ESR2: variants seen among roughly 807,000 people sequenced by gnomAD.
The protein encoded by ESR2 is estrogen receptor 2.
A neutral mutation model predicts 49.6 loss-of-function variants in ESR2; 36 were observed. The observed-to-expected ratio is 0.73, with a 90% CI of 0.56 to 0.96. The LOEUF is 0.96. Ranked by LOEUF, ESR2 falls within the 40% of genes least tolerant of loss-of-function variation. The pLI, the probability that ESR2 is intolerant of heterozygous loss-of-function variation, is 0.00. For missense variants in ESR2, 714 were observed against 693.0 expected (o/e 1.03, Z -0.34); for synonymous variants, 320 against 266.1 (o/e 1.20, Z -1.97).
chr14:64,277,743 T>A (rs1483135723), intron 3 of ESR2, among the ~76,000 whole-genome samples: 1 of 152,022 alleles, frequency 6.6e-6, no homozygotes, highest in Non-Finnish European at 1.5e-5. Flanking sequence ...TGTAATGCAC[T>A]TATATCAAAG....
chr14:64,333,050 G>A (rs185204258), intron 1 of ESR2, among the ~76,000 whole-genome samples: 1 of 151,380 alleles, frequency 6.6e-6, no homozygotes, highest in African/African-American at 2.4e-5. Context: ...CTAATTTTTT[G>A]TATTTTTTAG....
intron 1 of ESR2, among the ~76,000 whole-genome samples, chr14:64,320,730 T>TA (rs1040919736): frequency 6.6e-5 from 10 of 151,444 alleles, no homozygotes; most frequent in Non-Finnish European, 1.3e-4. Context: ...CTGTCTCTAC[T>TA]AAAAAAAGTA....
At position 64,234,752 on chromosome 14, in the gene ESR2, G is replaced by GA; in HGVS notation, c.1406+217_1406+218insT. The GA allele has an allele frequency of 4.7e-6, 5 of 1,052,654 alleles. No individual in the cohort carries two copies. In the East Asian group the frequency reaches 1.1e-4, roughly 22 times the overall value. 65.2% of individuals were successfully genotyped at this position (1,052,654 alleles called of 1,614,324 possible). A position where few individuals can be genotyped will look rare whatever the true frequency, so the allele number is the denominator to read the frequency against. On this transcript the variant is annotated intron_variant, in intron 8 of 8. Coordinates refer to ENST00000341099, the MANE Select transcript of ESR2 (RefSeq NM_001437.3). ...ATTGAAAAACCCATGAGCCACCACT[G>GA]GCTGCCATGCAGAGCCTGTAAGATA... is the stretch of plus-strand genomic sequence containing the variant.
At chr14:64,303,381 G>C (rs2077050471) in intron 1 of ESR2, 1 of 102,554 alleles carries the variant, frequency 9.8e-6, no homozygotes, top group African/African-American at 5.8e-5. Flanking sequence ...GCAATCTAGG[G>C]CTTTTTTTTT....
rs2098725728 is a variant in ESR2, at chr14:64,230,015, C to T, written c.*3122G>A. 6.6e-6 allele frequency among the ~76,000 whole-genome samples: 1 copy of T among 151,536 alleles called. No individual in the cohort carries two copies. Among genetic ancestry groups the T allele is most frequent in the Non-Finnish European group, 1.5e-5 (1 of 67,884 alleles). ...GGAGCATAGTAAAACCCCATCTCTA[C>T]AAATATTAAAAGAATTAGCCAGGAG... On this transcript the variant is annotated 3_prime_UTR_variant, in exon 9 of 9. Coordinates refer to ENST00000341099, the MANE Select transcript of ESR2 (RefSeq NM_001437.3).
intron 1 of ESR2, among the ~76,000 whole-genome samples, chr14:64,307,691 C>A (rs890738442): frequency 6.6e-6 from 1 of 152,034 alleles, no homozygotes; most frequent in African/African-American, 2.4e-5. Flanking sequence ...CCCACCACCA[C>A]GCCCGGCTAA....
Position 64,260,741 on chromosome 14 carries a change from C to T in ESR2, c.660G>A (p.Arg220=), listed in dbSNP as rs774894727. The T allele has an allele frequency of 6.7e-7, 1 of 1,482,086 alleles. No individual in the cohort carries two copies. Among genetic ancestry groups the T allele is most frequent in the Non-Finnish European group, 9.0e-7 (1 of 1,114,888 alleles). 91.8% of individuals were successfully genotyped at this position (1,482,086 alleles called of 1,614,324 possible). A position where few individuals can be genotyped will look rare whatever the true frequency, so the allele number is the denominator to read the frequency against. The change falls in exon 5 of 9, where the codon CGG becomes CGA. Residue 220 remains arginine, a synonymous_variant. Transcript: ENST00000341099. The part of the protein sequence containing the change: ...YEVGMVKCGS[R]RERCGYRLVR... ...CAAGGCGGTACCCACATCTCTCTCT[C>T]CGGGAGCCTGAAGAGGAAAGCAGAG...
intron 1 of ESR2, among the ~76,000 whole-genome samples, chr14:64,334,180 G>T (rs1439479583): frequency 6.6e-6 from 1 of 152,200 alleles, no homozygotes; most frequent in East Asian, 1.9e-4. Flanking sequence ...GCTTTATGAT[G>T]TGTCCTAAAG....
At position 64,229,895 on chromosome 14, in the gene ESR2, G is replaced by A. The variant is rs976214009; in HGVS notation, c.*3242C>T. On this transcript the variant is annotated 3_prime_UTR_variant, in exon 9 of 9. Transcript: ENST00000341099. ...TCAGCAACTTAAAAAAAAATGTGGC[G>A]GGGCTGGGCACAGTGGCTCATGCCT... Among the ~76,000 whole-genome samples the A allele has an allele frequency of 6.6e-6, 1 of 152,142 alleles. No homozygotes were observed.
intron 2 of ESR2, among the ~76,000 whole-genome samples, chr14:64,280,425 G>T (rs1464872675): frequency 3.3e-5 from 5 of 152,144 alleles, no homozygotes; most frequent in Non-Finnish European, 5.9e-5. Context: ...TGTCACTGCC[G>T]AAGACCAGTC....
intron 7 of ESR2, among the ~76,000 whole-genome samples, chr14:64,241,379 T>C (rs2075726467): frequency 6.6e-6 from 1 of 152,220 alleles, no homozygotes; most frequent in Admixed American, 6.5e-5. Context: ...ATCTTCTAAA[T>C]CAGGTAGTGT....
chr14:64,294,431 T>G (rs1012562006), upstream of ESR2: 1 of 152,290 alleles, frequency 6.6e-6, no homozygotes, highest in Non-Finnish European at 1.5e-5. Context: ...AGGGGAGTAG[T>G]GCCTGAGCCC....
chr14:64,305,106 C>T (rs1300421591), intron 1 of ESR2, among the ~76,000 whole-genome samples: 6 of 150,868 alleles, frequency 4.0e-5, no homozygotes, highest in African/African-American at 1.2e-4. Context: ...CTGGCTAACA[C>T]GGTGAAACCC....
At position 64,257,451 on chromosome 14, in the gene ESR2, C is replaced by A. The variant is rs2076126806; in HGVS notation, c.953-87G>T. ...AGAGACAGAATGGCAAGTGTTAAAA[C>A]ACTAAGAAAACACAAACCATTAGGG... On this transcript the variant is annotated intron_variant, in intron 5 of 8. Transcript: ENST00000341099. 12 of 1,512,528 alleles carry A rather than the reference C, an allele frequency of 7.9e-6. 1 individual carries two copies. The East Asian group carries it at 2.5e-4, about 32-fold the overall frequency. 93.7% of individuals were successfully genotyped at this position (1,512,528 alleles called of 1,614,324 possible). A position where few individuals can be genotyped will look rare whatever the true frequency, so the allele number is the denominator to read the frequency against.
At chr14:64,322,666 A>T (rs922005332) in intron 1 of ESR2, among the ~76,000 whole-genome samples, 2 of 152,180 alleles carry the variant, frequency 1.3e-5, no homozygotes, top group Admixed American at 6.5e-5. Flanking sequence ...AGCTGGATGT[A>T]AAGGAGAATG....
Position 64,250,476 on chromosome 14 carries a change from C to G in ESR2, c.1092-797G>C, listed in dbSNP as rs150165953. ...TGGAAAATACCAGCTTCTATTCACT[C>G]CAGCCAGACACACATTATTCCACCT... On this transcript the variant is annotated intron_variant, in intron 6 of 8. Transcript: ENST00000341099. Among the ~76,000 whole-genome samples the G allele has an allele frequency of 1.6e-3, 248 of 152,310 alleles. 1 individual carries two copies. The highest frequency in any genetic ancestry group is 5.9e-3 in the African/African-American group (246 of 41,558).
At chr14:64,278,645 T>C (rs763794797) in intron 3 of ESR2, among the ~76,000 whole-genome samples, 49 of 152,128 alleles carry the variant, frequency 3.2e-4, no homozygotes, top group Non-Finnish European at 6.3e-4. Flanking sequence ...GGACAGGTTA[T>C]GGGGCAAATA....
Position 64,230,394 on chromosome 14 carries a change from T to C in ESR2, c.*2743A>G, listed in dbSNP as rs2098726065. Among the ~76,000 whole-genome samples, 1 of 152,264 alleles carries C rather than the reference T, an allele frequency of 6.6e-6. No homozygotes were observed. The highest frequency in any genetic ancestry group is 1.9e-4 in the East Asian group (1 of 5,172). ...TTATATACATAAATATATATGGATA[T>C]ATAATATGGCTCTGCCAAGTATTGG... On this transcript the variant is annotated 3_prime_UTR_variant, in exon 9 of 9. Transcript: ENST00000341099.
rs568101501 is a variant in ESR2, at chr14:64,311,319, G to A, written c.-91+26579C>T. Among the ~76,000 whole-genome samples, 8 of 152,212 alleles carry A rather than the reference G, an allele frequency of 5.3e-5. No individual in the cohort carries two copies. In the South Asian group the frequency reaches 1.2e-3, roughly 24 times the overall value. On this transcript the variant is annotated intron_variant, in intron 1 of 8. Transcript: ENST00000358599. ...AAACCTACTGTTTGATTCACTGCTG[G>A]TAGAACAATTTTGCTTTACATTTTA...
Sources: allele counts gnomAD v4.1 joint callset (sites outside exome capture counted in the v4.1 genomes callset), GRCh38; gene constraint gnomAD v4.1.1; transcripts MANE v1.5; gene names NCBI Gene and HGNC (gene_info 2026-07-23, HGNC 2026-07-21).